Variants in CNTN4 observed in about 807,000 individuals in gnomAD.
The protein encoded by CNTN4 is contactin 4.
A neutral mutation model predicts 122.5 loss-of-function variants in CNTN4; 77 were observed. That is an observed-to-expected ratio of 0.63 (90% CI 0.52 to 0.76). The LOEUF (loss-of-function observed/expected upper bound fraction) is 0.76, where lower values mean the gene tolerates loss of function less well. CNTN4 is among the 30% of genes least tolerant of loss of function. The pLI, the probability that CNTN4 is intolerant of heterozygous loss-of-function variation, is 0.00. For synonymous variants in CNTN4, 512 were observed against 447.0 expected, an observed-to-expected ratio of 1.15 and a Z score of -1.83; for missense variants, 1,256 against 1,259.1, an observed-to-expected ratio of 1.00 and a Z score of 0.04.
chr3:2,627,299 A>C (rs778777903), intron 4 of CNTN4, among the ~76,000 whole-genome samples: 1 of 152,218 alleles, frequency 6.6e-6, no homozygotes, highest in African/African-American at 2.4e-5. Flanking sequence ...GAAGGCACTC[A>C]GTTCTGACAT....
Position 3,057,426 on chromosome 3 carries a change from T to C in CNTN4, c.*1206T>C, listed in dbSNP as rs376013052. The C allele has an allele frequency of 3.3e-5, 5 of 152,748 alleles. 1 individual carries two copies. In the South Asian group the frequency reaches 1.0e-3, roughly 32 times the overall value. 9.5% of individuals were successfully genotyped at this position (152,748 alleles called of 1,614,324 possible). A position where few individuals can be genotyped will look rare whatever the true frequency, so the allele number is the denominator to read the frequency against. ...ACCTTCTAGGTCTTAAAATCACACA[T>C]TGGAAAATGACAATATCAACAAAAC... is the stretch of plus-strand genomic sequence containing the variant. On this transcript the variant is annotated 3_prime_UTR_variant, in exon 25 of 25. Coordinates refer to ENST00000418658, the MANE Select transcript of CNTN4 (RefSeq NM_175607.3).
rs1052920145 is a variant in CNTN4 at position 2,120,761 on chromosome 3, C to A, written c.-145+20122C>A. Among the ~76,000 whole-genome samples, 9 of 151,976 alleles carry A rather than the reference C, an allele frequency of 5.9e-5. 1 individual carries two copies. Among genetic ancestry groups the A allele is most frequent in the African/African-American group, 2.2e-4 (9 of 41,362 alleles). On this transcript the variant is annotated intron_variant, in intron 2 of 24. Transcript: ENST00000418658. The stretch of plus-strand genomic sequence containing the variant: ...CACGAGTGTGGACTGCTAGCTAAGG[C>A]TGGCTCATCAATATTTGTCTAGAGA...
At chr3:2,717,599 A>G (rs12494838) in intron 4 of CNTN4, among the ~76,000 whole-genome samples, 54,005 of 151,978 alleles carry the variant, frequency 0.36, 10,219 homozygotes, top group East Asian at 0.57. Flanking sequence ...AATATATGCC[A>G]AGTCCTGTGA....
At chr3:2,311,454 A>G (rs2042912385) in intron 2 of CNTN4, among the ~76,000 whole-genome samples, 1 of 152,132 alleles carries the variant, frequency 6.6e-6, no homozygotes, top group Admixed American at 6.6e-5. Flanking sequence ...TGATACTGGA[A>G]CTGTTGGGTT....
chr3:2,129,264 CAAAA>C (rs11390812), intron 2 of CNTN4, among the ~76,000 whole-genome samples: 2 of 63,846 alleles, frequency 3.1e-5, no homozygotes, highest in Middle Eastern at 8.9e-3. Context: ...TCCAAACCTG[CAAAA>C]AAAAAAAAAA....
chr3:2,555,920 C>A (rs2078702347), intron 3 of CNTN4, among the ~76,000 whole-genome samples: 1 of 152,066 alleles, frequency 6.6e-6, no homozygotes, highest in African/African-American at 2.4e-5. Context: ...TGAAGCTTTC[C>A]CAGGGAATCT....
rs143135653 is a variant in CNTN4 at position 2,457,575 on chromosome 3, T to A, written c.-88-113841T>A. The stretch of plus-strand genomic sequence containing the variant: ...TGTTCCAGATGTGTTCTGACAATGG[T>A]TGGGCGCAGATTCCCATTTATGTCC... On this transcript the variant is annotated intron_variant, in intron 3 of 24. Transcript: ENST00000418658. 4.5e-3 allele frequency among the ~76,000 whole-genome samples: 692 copies of A among 152,236 alleles called. 4 individuals carry two copies. The highest frequency in any genetic ancestry group is 7.5e-3 in the Non-Finnish European group (509 of 68,006).
chr3:2,555,275 C>G (rs965949976), intron 3 of CNTN4, among the ~76,000 whole-genome samples: 1 of 152,052 alleles, frequency 6.6e-6, no homozygotes, highest in Non-Finnish European at 1.5e-5. Context: ...TTAGTCCCTT[C>G]TTAGGTTCTA....
rs529595727 is a variant in CNTN4 at position 2,234,802 on chromosome 3, A to G, written c.-144-104376A>G. 1.3e-3 allele frequency among the ~76,000 whole-genome samples: 199 copies of G among 152,204 alleles called. 1 individual carries two copies. The highest frequency in any genetic ancestry group is 2.6e-4 in the Non-Finnish European group (18 of 68,016). ...TTCTCTTCTCTTTTTCTCTTGTTTA[A>G]GAAGTAGCACCAATTTCTTTGCCAG... On this transcript the variant is annotated intron_variant, in intron 2 of 24. Transcript: ENST00000418658.
chr3:2,268,640 T>C (rs1410394085), intron 2 of CNTN4, among the ~76,000 whole-genome samples: 1 of 152,158 alleles, frequency 6.6e-6, no homozygotes, highest in Non-Finnish European at 1.5e-5. Flanking sequence ...TATTTCTGTC[T>C]ATCTATCTGT....
At chr3:2,700,653 C>A (rs1452437368) in intron 4 of CNTN4, among the ~76,000 whole-genome samples, 18 of 148,268 alleles carry the variant, frequency 1.2e-4, no homozygotes, top group East Asian at 2.0e-4. Flanking sequence ...ATTCCCCTGG[C>A]AAAAAAAAAA....
At chr3:2,113,580 G>A (rs1347735228) in intron 2 of CNTN4, among the ~76,000 whole-genome samples, 5 of 152,240 alleles carry the variant, frequency 3.3e-5, no homozygotes, top group African/African-American at 7.2e-5. Flanking sequence ...AAGCCTAAAT[G>A]TCAAGCATAT....
chr3:2,964,010 A>G (rs1692032781), intron 13 of CNTN4, among the ~76,000 whole-genome samples: 1 of 152,190 alleles, frequency 6.6e-6, no homozygotes, highest in East Asian at 1.9e-4. Flanking sequence ...TTTGTTCACT[A>G]TTGCATCTTT....
rs575821586 is a variant in CNTN4, at chr3:2,597,988, G to A, written c.55+26430G>A. On this transcript the variant is annotated intron_variant, in intron 4 of 24. Transcript: ENST00000418658. ...TTGGCATCTATCAGTTTCTAACCAG[G>A]CAGCTGCTGAAATTTTTATTCATGC... 2.2e-4 allele frequency among the ~76,000 whole-genome samples: 33 copies of A among 152,172 alleles called. No individual in the cohort carries two copies. In the South Asian group the frequency reaches 6.4e-3, roughly 30 times the overall value.
intron 3 of CNTN4, among the ~76,000 whole-genome samples, chr3:2,426,705 T>G (rs902902695): frequency 2.0e-5 from 3 of 152,176 alleles, no homozygotes; most frequent in African/African-American, 7.2e-5. Context: ...GGTCCTGGAC[T>G]TTTTTTGGTT....
intron 4 of CNTN4, among the ~76,000 whole-genome samples, chr3:2,707,407 T>G (rs2086806664): frequency 6.6e-6 from 1 of 152,090 alleles, no homozygotes; most frequent in Admixed American, 6.5e-5. Context: ...AATTCAAAAA[T>G]CTTTTAGGAC....
chr3:2,761,438 CTGTGTGTGTGTG>C (rs113454553), intron 6 of CNTN4, among the ~76,000 whole-genome samples: 2 of 92,766 alleles, frequency 2.2e-5, no homozygotes, highest in South Asian at 3.2e-4. Context: ...TAAGTGTAAC[CTGTGTGTGTGTG>C]TGTGTGTGTG....
chr3:2,854,341 C>T (rs1381514308), intron 7 of CNTN4, among the ~76,000 whole-genome samples: 2 of 131,392 alleles, frequency 1.5e-5, no homozygotes, highest in African/African-American at 5.8e-5. Flanking sequence ...GGCACAATCT[C>T]GGCTCATTGC....
intron 4 of CNTN4, among the ~76,000 whole-genome samples, chr3:2,600,945 T>C (rs1229096156): frequency 6.6e-6 from 1 of 152,254 alleles, no homozygotes; most frequent in African/African-American, 2.4e-5. Context: ...ATTTCTCTGA[T>C]GGCCAGTGAT....
Sources: gnomAD v4.1 joint callset for allele counts (sites outside exome capture counted in the v4.1 genomes callset) on GRCh38, gnomAD v4.1.1 for gene constraint, MANE v1.5 for transcripts, NCBI Gene and HGNC (gene_info 2026-07-23, HGNC 2026-07-21) for gene names.